LUZP2: variants seen among roughly 807,000 people sequenced by gnomAD.
LUZP2 encodes leucine zipper protein 2.
Under a neutral mutation model 51.6 loss-of-function variants are expected in LUZP2, and 52 were observed. The ratio of observed to expected loss-of-function variants is 1.01; its 90% CI spans 0.81 to 1.27. The LOEUF is 1.27. Ranked by LOEUF, LUZP2 falls within the 50% of genes most tolerant of loss-of-function variation. The pLI is 0.00. For missense variants in LUZP2, 436 were observed against 395.4 expected (o/e 1.10, Z -0.87); for synonymous variants, 154 against 137.3 (o/e 1.12, Z -0.85).
chr11:24,501,979 A>T (rs894601220), intron 1 of LUZP2, among the ~76,000 whole-genome samples: 1 of 152,180 alleles, frequency 6.6e-6, no homozygotes, highest in African/African-American at 2.4e-5. Flanking sequence ...TGCCACACTT[A>T]CTATATGTTA....
chr11:24,765,733 T>C (rs1860166639), intron 5 of LUZP2, among the ~76,000 whole-genome samples: 1 of 150,360 alleles, frequency 6.7e-6, no homozygotes, highest in South Asian at 2.1e-4. Context: ...GTTCACACCA[T>C]TCTCTGGCCT....
At chr11:24,614,285 T>A (rs1458989052) in intron 1 of LUZP2, among the ~76,000 whole-genome samples, 1 of 152,028 alleles carries the variant, frequency 6.6e-6, no homozygotes, top group Non-Finnish European at 1.5e-5. Flanking sequence ...ATATTGTTAA[T>A]CAACTTCTTT....
chr11:24,866,328 T>G (rs1851895322), intron 5 of LUZP2, among the ~76,000 whole-genome samples: 1 of 152,102 alleles, frequency 6.6e-6, no homozygotes, highest in African/African-American at 2.4e-5. Flanking sequence ...TGGGCATAAT[T>G]TTCTGTATAA....
intron 1 of LUZP2, among the ~76,000 whole-genome samples, chr11:24,681,981 A>T (rs1472365560): frequency 6.6e-6 from 1 of 152,244 alleles, no homozygotes; most frequent in African/African-American, 2.4e-5. Context: ...AGCCAGAAAG[A>T]AGAGTTCTTA....
intron 6 of LUZP2, among the ~76,000 whole-genome samples, chr11:24,909,139 A>AT (rs1478101073): frequency 2.0e-5 from 3 of 151,136 alleles, no homozygotes; most frequent in African/African-American, 4.8e-5. Context: ...CCCCTAAAAC[A>AT]TTTTTTAAAA....
chr11:24,888,784 G>T (rs1479436561), intron 5 of LUZP2, among the ~76,000 whole-genome samples: 1 of 152,042 alleles, frequency 6.6e-6, no homozygotes, highest in Non-Finnish European at 1.5e-5. Context: ...ATGGGGGATG[G>T]TTTCCCCCAT....
Position 25,021,800 on chromosome 11 carries a change from G to A in LUZP2, c.766-28238G>A, listed in dbSNP as rs759413838. On this transcript the variant is annotated intron_variant, in intron 9 of 11. Transcript: ENST00000336930. ...GGGGAATATAGAGAGTCTGTGAAGG[G>A]CAGTGACAAAGAAGAATGGTGGAAT... 8.6e-5 allele frequency among the ~76,000 whole-genome samples: 13 copies of A among 152,004 alleles called. 1 individual carries two copies. Among genetic ancestry groups the A allele is most frequent in the South Asian group, 4.1e-4 (2 of 4,822 alleles).
rs1565320560 is a variant in LUZP2, at chr11:25,079,961, T to G, written c.*1303T>G. 1 of 152,164 alleles carries G rather than the reference T, an allele frequency of 6.6e-6. No homozygotes were observed. Among genetic ancestry groups the G allele is most frequent in the Non-Finnish European group, 1.5e-5 (1 of 68,014 alleles). 9.4% of individuals were successfully genotyped at this position (152,164 alleles called of 1,614,324 possible). On this transcript the variant is annotated 3_prime_UTR_variant, in exon 12 of 12. Transcript: ENST00000336930. ...AATAAATGAACTTAGATTCTGAGAT[T>G]TAATGGCATACCTCTGATCAAAATG...
chr11:25,035,262 A>G (rs953952282), intron 9 of LUZP2, among the ~76,000 whole-genome samples: 1 of 152,126 alleles, frequency 6.6e-6, no homozygotes, highest in Non-Finnish European at 1.5e-5. Flanking sequence ...CTTTGCTGAT[A>G]ATATGATTCT....
At chr11:24,639,733 G>T (rs1200538952) in intron 1 of LUZP2, among the ~76,000 whole-genome samples, 1 of 151,896 alleles carries the variant, frequency 6.6e-6, no homozygotes, top group Non-Finnish European at 1.5e-5. Flanking sequence ...TTACAGGCGT[G>T]AGCCACTGTG....
chr11:24,592,355 T>C (rs989690566), intron 1 of LUZP2, among the ~76,000 whole-genome samples: 2 of 152,230 alleles, frequency 1.3e-5, no homozygotes, highest in African/African-American at 4.8e-5. Context: ...AGCAACTTGG[T>C]AGCAGGAGTA....
chr11:24,767,179 A>T (rs1860224262), intron 5 of LUZP2, among the ~76,000 whole-genome samples: 1 of 152,124 alleles, frequency 6.6e-6, no homozygotes, highest in Non-Finnish European at 1.5e-5. Context: ...TTTAGTGTGT[A>T]ATTTGTAGAA....
chr11:25,036,625 A>G (rs1477852293), intron 9 of LUZP2, among the ~76,000 whole-genome samples: 1 of 152,042 alleles, frequency 6.6e-6, no homozygotes, highest in Non-Finnish European at 1.5e-5. Flanking sequence ...ACTTTCCTCA[A>G]CACTACTTTG....
chr11:24,984,594 A>C (rs111447718), intron 9 of LUZP2, among the ~76,000 whole-genome samples: 10,288 of 142,218 alleles, frequency 0.072, 1,265 homozygotes, highest in African/African-American at 0.25. Context: ...GGAGGAGTAC[A>C]AAATTGCAAG....
At chr11:24,837,548 A>C in intron 5 of LUZP2, among the ~76,000 whole-genome samples, 1 of 151,884 alleles carries the variant, frequency 6.6e-6, no homozygotes, top group Non-Finnish European at 1.5e-5. Flanking sequence ...TTTTTAAAAT[A>C]ACTTGTGGAA....
intron 1 of LUZP2, among the ~76,000 whole-genome samples, chr11:24,684,744 A>G (rs1422353753): frequency 9.2e-5 from 14 of 152,110 alleles, no homozygotes; most frequent in Admixed American, 9.2e-4. Context: ...CACAATGTCA[A>G]TCTTCTCCTT....
At chr11:24,850,907 TTTGGCTCTCTATTA>T (rs1851373269) in intron 5 of LUZP2, among the ~76,000 whole-genome samples, 2 of 152,308 alleles carry the variant, frequency 1.3e-5, no homozygotes, top group South Asian at 4.1e-4. Context: ...TCACTCATGA[TTTGGCTCTCTATTA>T]TTGGTGTATA....
Position 24,722,846 on chromosome 11 carries a change from C to T in LUZP2, c.63-6323C>T, listed in dbSNP as rs548137553. On this transcript the variant is annotated intron_variant, in intron 1 of 11. Transcript: ENST00000336930. Reference sequence around the variant, plus strand: ...GCAGGAGAATTGCTTGACCTCAGGACGTGGAGGTTGCAGTGAGCCGATATC... The same window carrying T: ...GCAGGAGAATTGCTTGACCTCAGGATGTGGAGGTTGCAGTGAGCCGATATC... Among the ~76,000 whole-genome samples the T allele has an allele frequency of 1.1e-3, 164 of 151,042 alleles. 1 individual carries two copies. The highest frequency in any genetic ancestry group is 4.2e-4 in the South Asian group (2 of 4,776).
chr11:24,941,679 C>T (rs574066718), intron 7 of LUZP2, among the ~76,000 whole-genome samples: 4 of 152,110 alleles, frequency 2.6e-5, no homozygotes. Flanking sequence ...AGTCTAACAC[C>T]TCACATGCTC....
Sources: gnomAD v4.1 joint callset for allele counts (sites outside exome capture counted in the v4.1 genomes callset) on GRCh38, gnomAD v4.1.1 for gene constraint, MANE v1.5 for transcripts, NCBI Gene and HGNC (gene_info 2026-07-23, HGNC 2026-07-21) for gene names.